WASF2: variants seen among roughly 807,000 people sequenced by gnomAD.
The protein encoded by WASF2 is WASP family member 2.
In WASF2, 14 loss-of-function variants were observed where a neutral mutation model predicts 45.0. That is an observed-to-expected ratio of 0.31 (90% confidence interval 0.21 to 0.49). The LOEUF (loss-of-function observed/expected upper bound fraction) is 0.49, where lower values mean the gene tolerates loss of function less well. WASF2 is among the 20% of genes least tolerant of loss of function. The pLI is 0.99. For missense variants in WASF2, 439 were observed against 636.1 expected, an observed-to-expected ratio of 0.69 and a Z score of 3.33; for synonymous variants, 200 against 236.3, an observed-to-expected ratio of 0.85 and a Z score of 1.41.
chr1:27,441,549 C>T (rs548194159), intron 1 of WASF2, among the ~76,000 whole-genome samples: 11 of 151,774 alleles, frequency 7.2e-5, no homozygotes, highest in Non-Finnish European at 1.3e-4. Context: ...GTCAGGAGAT[C>T]GAGACCATCC....
intron 1 of WASF2, among the ~76,000 whole-genome samples, chr1:27,489,071 C>T (rs2017986521): frequency 6.6e-6 from 1 of 152,028 alleles, no homozygotes; most frequent in Non-Finnish European, 1.5e-5. Flanking sequence ...AGGAGTCCTT[C>T]CTCTTCTCCG....
At chr1:27,428,632 G>A (rs2017018775) in intron 2 of WASF2, 129 bp downstream of exon 2, 9 of 1,381,524 alleles carry the variant, frequency 6.5e-6, no homozygotes, top group South Asian at 1.2e-5. Flanking sequence ...GGAGGAGAGG[G>A]AGGATACATT....
intron 1 of WASF2, among the ~76,000 whole-genome samples, chr1:27,461,028 C>A (rs1173527149): frequency 6.6e-6 from 1 of 152,000 alleles, no homozygotes; most frequent in African/African-American, 2.4e-5. Flanking sequence ...CGCCTGTAGT[C>A]CCAACTACTC....
chr1:27,457,151 T>C (rs1367104409), intron 1 of WASF2: 2 of 152,150 alleles, frequency 1.3e-5, no homozygotes, highest in South Asian at 2.1e-4. Flanking sequence ...GTGCTGGGAT[T>C]ATAGGCATGA....
chr1:27,464,974 G>A (rs1195695569), intron 1 of WASF2, among the ~76,000 whole-genome samples: 2 of 152,136 alleles, frequency 1.3e-5, no homozygotes, highest in Non-Finnish European at 2.9e-5. Context: ...TGATCCACCC[G>A]CCTTGGCCTC....
intron 4 of WASF2, 71 bp from the exon 5 acceptor site, chr1:27,416,173 C>A: frequency 7.6e-7 from 1 of 1,322,116 alleles, no homozygotes; most frequent in South Asian, 1.2e-5. Flanking sequence ...ATATTCCAAA[C>A]ACCTACCAGT....
rs571828598 is a variant in WASF2, at chr1:27,422,039, G to GA, written c.131-2952dup. On this transcript the variant is annotated intron_variant, in intron 2 of 8. Coordinates refer to ENST00000618852, the MANE Select transcript of WASF2 (RefSeq NM_006990.5). ...TAACCATCCAGCTATTCTGGAGGGG[G>GA]AAAAAAAAAAAACAATCAACTTACA... 4.1e-3 allele frequency among the ~76,000 whole-genome samples: 569 copies of GA among 140,026 alleles called. 6 individuals carry two copies. Among genetic ancestry groups the GA allele is most frequent in the South Asian group, 0.018 (77 of 4,318 alleles). The allele number at this position is 140,026 out of a possible 152,430, so 91.9% of individuals were successfully genotyped here. A position where few individuals can be genotyped will look rare whatever the true frequency, so the allele number is the denominator to read the frequency against.
intron 2 of WASF2, among the ~76,000 whole-genome samples, chr1:27,425,426 G>C (rs1398234258): frequency 1.3e-5 from 2 of 152,224 alleles, no homozygotes; most frequent in Admixed American, 6.5e-5. Flanking sequence ...ATGAAGGCTG[G>C]GCGTGGTGGA....
intron 1 of WASF2, among the ~76,000 whole-genome samples, chr1:27,484,589 T>A (rs2017897288): frequency 6.6e-6 from 1 of 151,140 alleles, no homozygotes. Flanking sequence ...GGGTGGATCA[T>A]GAGGTCAGGA....
intron 7 of WASF2, among the ~76,000 whole-genome samples, chr1:27,411,918 T>C (rs1405377190): frequency 1.3e-5 from 2 of 152,174 alleles, no homozygotes; most frequent in East Asian, 3.9e-4. Flanking sequence ...AGAAAGAAGC[T>C]GGTGATTTCC....
In WASF2 at chr1:27,410,447, A is replaced by C. The variant is rs2016746757; in HGVS notation, c.825-241T>G. 6.6e-6 allele frequency among the ~76,000 whole-genome samples: 1 copy of C among 152,216 alleles called. No individual in the cohort carries two copies. Among genetic ancestry groups the C allele is most frequent in the Non-Finnish European group, 1.5e-5 (1 of 68,036 alleles). ...GACAGATTGAGTAAAACTACCTGCA[A>C]GAAGTGGACTTGAGATTCCTCTATC... On this transcript the variant is annotated intron_variant, in intron 7 of 8. Transcript: ENST00000618852. The surrounding 1 kb of genome is among the most constrained non-coding windows in gnomAD (Gnocchi z 4.2).
chr1:27,481,849 T>C (rs2017854489), intron 1 of WASF2, among the ~76,000 whole-genome samples: 1 of 152,198 alleles, frequency 6.6e-6, no homozygotes, highest in Non-Finnish European at 1.5e-5. Flanking sequence ...AAAAGAAATA[T>C]CACAGGCAAA....
chr1:27,483,829 T>C (rs1462614422), intron 1 of WASF2, among the ~76,000 whole-genome samples: 1 of 151,554 alleles, frequency 6.6e-6, no homozygotes, highest in Non-Finnish European at 1.5e-5. Context: ...AGCGCTCACA[T>C]GTAGTCCCAG....
chr1:27,470,849 A>G (rs1169959721), intron 1 of WASF2, among the ~76,000 whole-genome samples: 1 of 152,146 alleles, frequency 6.6e-6, no homozygotes, highest in East Asian at 1.9e-4. Flanking sequence ...CATCCTTAAA[A>G]CCAGTAAACA....
rs775683220 is a variant in WASF2 at position 27,428,869 on chromosome 1, T to C, written c.22A>G (p.Ile8Val). 5 of 1,614,176 alleles carry C rather than the reference T, an allele frequency of 3.1e-6. No homozygotes were observed. Among genetic ancestry groups the C allele is most frequent in the South Asian group, 1.1e-5 (1 of 91,082 alleles). The change falls in exon 2 of 9, where the codon ATC (isoleucine) becomes GTC (valine). Residue 8 changes from isoleucine to valine, a missense_variant. Physicochemically the swap from Ile to Val is conservative, Grantham distance 29. Transcript: ENST00000618852. MPLVTRN[I>V]EPRHLCRQTL... Reference sequence around the variant, plus strand: ...TGACGGCACAGGTGCCTTGGCTCGATGTTCCTCGTTACTAACGGCATGGTG... The same window carrying C: ...TGACGGCACAGGTGCCTTGGCTCGACGTTCCTCGTTACTAACGGCATGGTG...
chr1:27,412,907 G>A (rs1339764367), intron 6 of WASF2, among the ~76,000 whole-genome samples, 180 bp from the exon 7 acceptor site: 5 of 152,126 alleles, frequency 3.3e-5, no homozygotes, highest in African/African-American at 1.2e-4. Flanking sequence ...ATATTCTATT[G>A]TCAAATATAT....
intron 1 of WASF2, among the ~76,000 whole-genome samples, chr1:27,488,950 T>C (rs562282106): frequency 1.3e-5 from 2 of 152,268 alleles, no homozygotes; most frequent in African/African-American, 4.8e-5. Context: ...TAAGAACATA[T>C]GCCTAAGCAA....
intron 1 of WASF2, among the ~76,000 whole-genome samples, chr1:27,451,764 C>A (rs779211008): frequency 1.3e-5 from 2 of 152,200 alleles, no homozygotes; most frequent in Non-Finnish European, 2.9e-5. Flanking sequence ...GGTACACTTT[C>A]TTCCTTGAAC....
intron 1 of WASF2, among the ~76,000 whole-genome samples, chr1:27,453,863 T>C (rs1040899331): frequency 1.6e-4 from 24 of 152,064 alleles, no homozygotes; most frequent in Non-Finnish European, 1.9e-4. Context: ...CACTCCAGCC[T>C]GGGCAACAGA....
Sources: allele counts gnomAD v4.1 joint callset (sites outside exome capture counted in the v4.1 genomes callset), GRCh38; gene constraint gnomAD v4.1.1; non-coding constraint Gnocchi (gnomAD v3.1); transcripts MANE v1.5; gene names NCBI Gene and HGNC (gene_info 2026-07-23, HGNC 2026-07-21).